The following ERCC1 variants were observed in gnomAD, a reference collection of about 807,000 sequenced individuals.
The protein encoded by ERCC1 is DNA excision repair protein ERCC-1.
ERCC1 carries 36 observed loss-of-function variants against 37.6 expected under a neutral mutation model. The ratio of observed to expected loss-of-function variants is 0.96; its 90% confidence interval spans 0.73 to 1.26. ERCC1 has a LOEUF of 1.26. Ranked by LOEUF, ERCC1 falls within the 50% of genes most tolerant of loss-of-function variation. The pLI is 0.00. For synonymous variants in ERCC1, 156 were observed against 162.1 expected, an observed-to-expected ratio of 0.96 and a Z score of 0.28; for missense variants, 349 against 376.5, an observed-to-expected ratio of 0.93 and a Z score of 0.60.
chr19:45,409,245 A>C lies in ERCC1; in HGVS notation c.*430T>G. 1 of 1,613,786 alleles carries C rather than the reference A, an allele frequency of 6.2e-7. No homozygotes were observed. Among genetic ancestry groups the C allele is most frequent in the Non-Finnish European group, 8.5e-7 (1 of 1,179,784 alleles). ...CCCACATCCACCAAGAAGAAGAAGA[A>C]GAAGAAAGAGAGAGGTCACACAGTG... On this transcript the variant is annotated 3_prime_UTR_variant, in exon 10 of 10. Transcript: ENST00000300853.
upstream of ERCC1, chr19:45,424,044 C>G (rs1475959412): frequency 9.6e-7 from 1 of 1,046,738 alleles, no homozygotes; most frequent in Non-Finnish European, 1.2e-6. Flanking sequence ...GGATCTGGCT[C>G]CCAAACTGTT....
At chr19:45,443,153 G>C (rs912922038) in intron 1 of ERCC1, among the ~76,000 whole-genome samples, 1 of 152,114 alleles carries the variant, frequency 6.6e-6, no homozygotes, top group Non-Finnish European at 1.5e-5. Context: ...CAGCTGCCTG[G>C]ATGTGAGGGT....
chr19:45,429,796 ATTATTT>A (rs112448671), intron 1 of ERCC1, among the ~76,000 whole-genome samples: 175 of 151,960 alleles, frequency 1.2e-3, no homozygotes, highest in African/African-American at 4.1e-3. Context: ...TATCATTATT[ATTATTT>A]GAGACAGAGT....
At chr19:45,423,594 C>T in intron 1 of ERCC1, 187 bp downstream of exon 1, 1 of 1,402,734 alleles carries the variant, frequency 7.1e-7, no homozygotes, top group Admixed American at 2.9e-5. Context: ...CAAGTCCCAT[C>T]GCTCCGCCCC....
intron 1 of ERCC1, among the ~76,000 whole-genome samples, chr19:45,446,955 G>A (rs534299453): frequency 3.3e-5 from 5 of 152,104 alleles, no homozygotes; most frequent in South Asian, 2.1e-4. Context: ...CCAAGAACGC[G>A]CCATTGCACT....
chr19:45,437,395 A>G (rs996095777), intron 1 of ERCC1, among the ~76,000 whole-genome samples: 1 of 152,156 alleles, frequency 6.6e-6, no homozygotes, highest in African/African-American at 2.4e-5. Context: ...AGGGTTATCT[A>G]CACTCTCAAG....
chr19:45,423,419 C>T (rs750050849), intron 1 of ERCC1, 38 bp from the exon 2 acceptor site: 56 of 1,574,302 alleles, frequency 3.6e-5, no homozygotes. Context: ...GAGCCACTGG[C>T]GTCTACGTTC....
chr19:45,421,039 TCGAA>T, intron 3 of ERCC1, 135 bp downstream of exon 3: 1 of 773,104 alleles, frequency 1.3e-6, no homozygotes, highest in Non-Finnish European at 2.2e-6. Context: ...CACACTGCTG[TCGAA>T]TGAATGAATG....
At chr19:45,441,394 A>G (rs1197074830) in intron 1 of ERCC1, among the ~76,000 whole-genome samples, 1 of 152,170 alleles carries the variant, frequency 6.6e-6, no homozygotes, top group Non-Finnish European at 1.5e-5. Context: ...AGCAGGGTGG[A>G]TGGCGGGGGG....
chr19:45,451,169 G>C (rs1967110477), intron 1 of ERCC1, among the ~76,000 whole-genome samples: 1 of 152,056 alleles, frequency 6.6e-6, no homozygotes, highest in South Asian at 2.1e-4. Context: ...TGTCTGCCCC[G>C]GGACCGCCTC....
chr19:45,423,507 C>CA lies in ERCC1; in HGVS notation c.-7-127dup, dbSNP rs55925241. On this transcript the variant is annotated intron_variant, in intron 1 of 9. Coordinates refer to ENST00000300853, the MANE Select transcript of ERCC1 (RefSeq NM_001983.4). ...GAGCTCCATAGCGTCAGGTCCCCAA[C>CA]ACCCAGCGCTAGAGGCTCTGTAACG... 427 of 1,488,208 alleles carry CA rather than the reference C, an allele frequency of 2.9e-4. No homozygotes were observed. The African/African-American group carries it at 5.0e-3, about 17-fold the overall frequency. The allele number at this position is 1,488,208 out of a possible 1,614,324, so 92.2% of individuals were successfully genotyped here. A position where few individuals can be genotyped will look rare whatever the true frequency, so the allele number is the denominator to read the frequency against.
intron 1 of ERCC1, among the ~76,000 whole-genome samples, chr19:45,445,319 T>G (rs1000878432): frequency 2.0e-5 from 3 of 152,124 alleles, no homozygotes; most frequent in Non-Finnish European, 2.9e-5. Flanking sequence ...CCTGCCCCAA[T>G]CAACAGGTAT....
chr19:45,410,565 T>TGTGTGTGTGTGTGTGTGTGTGTGTG (rs1973661594), intron 9 of ERCC1: 2 of 140,614 alleles, frequency 1.4e-5, no homozygotes, highest in African/African-American at 5.5e-5. Flanking sequence ...CATTCTTTCT[T>TGTGTGTGTGTGTGTGTGTGTGTGTG]TGTGTGTGTG....
intron 1 of ERCC1, among the ~76,000 whole-genome samples, chr19:45,434,138 TCA>T (rs529916289): frequency 2.0e-5 from 2 of 100,556 alleles, no homozygotes; most frequent in Non-Finnish European, 3.6e-5. Context: ...CAAGAATGTC[TCA>T]CACACACACA....
At chr19:45,441,989 T>C (rs1975132531) in intron 1 of ERCC1, among the ~76,000 whole-genome samples, 1 of 147,468 alleles carries the variant, frequency 6.8e-6, no homozygotes, top group Admixed American at 6.6e-5. Flanking sequence ...GCACTTTTTT[T>C]TTATTTTATT....
chr19:45,421,790 C>T (rs937469244), intron 2 of ERCC1, among the ~76,000 whole-genome samples: 2 of 151,986 alleles, frequency 1.3e-5, no homozygotes, highest in East Asian at 1.9e-4. Flanking sequence ...TGTACCACCA[C>T]GCTGGCTAAT....
chr19:45,411,515 C>T (rs924186787), intron 9 of ERCC1, among the ~76,000 whole-genome samples: 7 of 151,970 alleles, frequency 4.6e-5, no homozygotes, highest in Admixed American at 6.6e-5. Context: ...ATTTTAAGGC[C>T]GGGCACCATG....
chr19:45,434,166 A>C (rs1350162330), intron 1 of ERCC1, among the ~76,000 whole-genome samples: 44 of 148,584 alleles, frequency 3.0e-4, no homozygotes, highest in African/African-American at 1.1e-3. Flanking sequence ...AAAAAAAAAA[A>C]AAAAAAAAAA....
At position 45,446,923 on chromosome 19, in the gene ERCC1, G is replaced by T. The variant is rs538572957; in HGVS notation, c.-7-23542C>A. On this transcript the variant is annotated intron_variant, in intron 1 of 8. Coordinates refer to the ERCC1 transcript ENST00000423698. Reference sequence around the variant, plus strand: ...TGAGGCAGGAGAATCATTTGAACCCGGGAGGTGGAGGTTGCAGTGAGCCAA... The same window carrying T: ...TGAGGCAGGAGAATCATTTGAACCCTGGAGGTGGAGGTTGCAGTGAGCCAA... 2.0e-5 allele frequency among the ~76,000 whole-genome samples: 3 copies of T among 152,236 alleles called. No individual in the cohort carries two copies. In the East Asian group the frequency reaches 5.8e-4, roughly 29 times the overall value.
Sources: allele counts gnomAD v4.1 joint callset (sites outside exome capture counted in the v4.1 genomes callset), GRCh38; gene constraint gnomAD v4.1.1; transcripts MANE v1.5; gene names NCBI Gene and HGNC (gene_info 2026-07-23, HGNC 2026-07-21).